Variants in FHIP1A observed in about 807,000 individuals in gnomAD.
The protein encoded by FHIP1A is FHF complex subunit HOOK-interacting protein 1A.
FHIP1A carries 61 observed loss-of-function variants against 88.6 expected under a neutral mutation model. That is an observed-to-expected ratio of 0.69 (90% CI 0.56 to 0.85). The LOEUF (loss-of-function observed/expected upper bound fraction) is 0.85, where lower values mean the gene tolerates loss of function less well. Among genes scored for constraint, FHIP1A ranks in the 40% least tolerant of loss-of-function variants. The probability of loss-of-function intolerance (pLI) is 0.00; values close to 1 mark genes in which losing one functional copy is unlikely to be tolerated. For synonymous variants in FHIP1A, 478 were observed against 496.0 expected (o/e 0.96, Z 0.48); for missense variants, 1,154 against 1,273.5 (o/e 0.91, Z 1.43).
At chr4:151,553,337 A>G (rs10033405) in intron 3 of FHIP1A, among the ~76,000 whole-genome samples, 49,313 of 152,094 alleles carry the variant, frequency 0.32, 8,029 homozygotes, top group Non-Finnish European at 0.34. Context: ...ATATACAACT[A>G]AATTTGTGGG....
intron 7 of FHIP1A, among the ~76,000 whole-genome samples, chr4:151,628,756 T>C (rs996627655): frequency 6.6e-6 from 1 of 152,092 alleles, no homozygotes; most frequent in Non-Finnish European, 1.5e-5. Flanking sequence ...TCTCTGGTGG[T>C]TTTCACGCAT....
intron 8 of FHIP1A, among the ~76,000 whole-genome samples, chr4:151,635,892 A>G (rs1380450813): frequency 6.6e-6 from 1 of 152,004 alleles, no homozygotes; most frequent in Non-Finnish European, 1.5e-5. Context: ...TTCTTTATCA[A>G]TTTAAAAAAT....
chr4:151,483,080 G>C (rs961156525), intron 3 of FHIP1A, among the ~76,000 whole-genome samples: 1 of 152,046 alleles, frequency 6.6e-6, no homozygotes, highest in Admixed American at 6.6e-5. Context: ...ATTCTACGAA[G>C]TGACTGAGTT....
Position 151,658,228 on chromosome 4 carries a change from G to C in FHIP1A, c.2869+1330G>C, listed in dbSNP as rs545003537. Reference sequence around the variant, plus strand: ...CGCATGCTGCTGCCACCCACCCTGTGAGAGAAGGTACACCAATTACCAGTA... The same window carrying C: ...CGCATGCTGCTGCCACCCACCCTGTCAGAGAAGGTACACCAATTACCAGTA... On this transcript the variant is annotated intron_variant, in intron 13 of 13. Coordinates refer to ENST00000435205, the MANE Select transcript of FHIP1A (RefSeq NM_001109977.3). 2.0e-5 allele frequency among the ~76,000 whole-genome samples: 3 copies of C among 152,352 alleles called. No individual in the cohort carries two copies. In the East Asian group the frequency reaches 5.8e-4, roughly 29 times the overall value.
intron 1 of FHIP1A, among the ~76,000 whole-genome samples, chr4:151,447,392 T>C (rs1000690726): frequency 6.6e-6 from 1 of 152,176 alleles, no homozygotes; most frequent in Non-Finnish European, 1.5e-5. Context: ...ACATTTGGAA[T>C]GTTTTTCAAG....
At position 151,586,804 on chromosome 4, in the gene FHIP1A, C is replaced by G; in HGVS notation, c.891+5C>G. On this transcript the variant is annotated splice_donor_5th_base_variant and intron_variant, in intron 6 of 13. Transcript: ENST00000435205. Reference sequence around the variant, plus strand: ...TTTTGCAATGCAGTCATACAGGTACCAGAGCACAATAAAGGATCCCTTTGC... The same window carrying G: ...TTTTGCAATGCAGTCATACAGGTACGAGAGCACAATAAAGGATCCCTTTGC... 2 of 1,539,454 alleles carry G rather than the reference C, an allele frequency of 1.3e-6. No individual in the cohort carries two copies. Among genetic ancestry groups the G allele is most frequent in the Non-Finnish European group, 1.8e-6 (2 of 1,137,324 alleles).
chr4:151,414,089 C>G (rs1015969483), intron 1 of FHIP1A, among the ~76,000 whole-genome samples: 1 of 150,300 alleles, frequency 6.7e-6, no homozygotes, highest in African/African-American at 2.5e-5. Context: ...CTCACTCTGT[C>G]GCCCAGGCTG....
At chr4:151,547,684 C>T (rs368935096) in intron 3 of FHIP1A, among the ~76,000 whole-genome samples, 6 of 152,066 alleles carry the variant, frequency 3.9e-5, no homozygotes, top group Non-Finnish European at 7.4e-5. Context: ...GAGGCCAAGG[C>T]GGGCGGATCA....
At chr4:151,417,183 A>G (rs1169288772) in intron 1 of FHIP1A, among the ~76,000 whole-genome samples, 1 of 152,210 alleles carries the variant, frequency 6.6e-6, no homozygotes, top group African/African-American at 2.4e-5. Context: ...CACACTTCAC[A>G]GGGTGGGAGC....
intron 7 of FHIP1A, among the ~76,000 whole-genome samples, chr4:151,594,646 G>T (rs561337737): frequency 2.7e-5 from 4 of 150,930 alleles, no homozygotes; most frequent in Admixed American, 2.6e-4. Context: ...GTGCGATCTC[G>T]GCTCACTGCA....
At chr4:151,659,450 C>T (rs1737371452) in intron 13 of FHIP1A, among the ~76,000 whole-genome samples, 1 of 152,116 alleles carries the variant, frequency 6.6e-6, no homozygotes, top group Non-Finnish European at 1.5e-5. Flanking sequence ...TGGTAATGGG[C>T]CAAATATTTG....
intron 3 of FHIP1A, among the ~76,000 whole-genome samples, chr4:151,489,919 A>T (rs1213737596): frequency 1.3e-5 from 2 of 152,094 alleles, no homozygotes; most frequent in Non-Finnish European, 2.9e-5. Flanking sequence ...CTTGGTTGGA[A>T]GTTCTATGGC....
chr4:151,559,280 A>G (rs1225586086), intron 3 of FHIP1A, among the ~76,000 whole-genome samples: 1 of 152,012 alleles, frequency 6.6e-6, no homozygotes, highest in African/African-American at 2.4e-5. Flanking sequence ...TTTTCCTTTT[A>G]TTTAAGTTGT....
intron 1 of FHIP1A, among the ~76,000 whole-genome samples, chr4:151,449,989 G>C (rs1580579408): frequency 6.6e-6 from 1 of 151,944 alleles, no homozygotes; most frequent in South Asian, 2.1e-4. Context: ...TAAATATTGA[G>C]TACCTTGACA....
chr4:151,520,274 A>G (rs576267852), intron 3 of FHIP1A, among the ~76,000 whole-genome samples: 1 of 152,232 alleles, frequency 6.6e-6, no homozygotes, highest in East Asian at 1.9e-4. Context: ...ATCACTCCAT[A>G]TGGATATCTA....
chr4:151,646,451 G>A (rs890574079), intron 9 of FHIP1A, 107 bp from the exon 10 acceptor site: 24 of 682,704 alleles, frequency 3.5e-5, no homozygotes, highest in Non-Finnish European at 5.8e-5. Context: ...GCTGAGAGAG[G>A]ATGAGTCTGC....
At position 151,512,677 on chromosome 4, in the gene FHIP1A, C is replaced by T. The variant is rs1209933964; in HGVS notation, c.-123+30029C>T. On this transcript the variant is annotated intron_variant, in intron 3 of 13. Coordinates refer to ENST00000435205, the MANE Select transcript of FHIP1A (RefSeq NM_001109977.3). ...AATGCAGAAGCCTCAGGAGCCGATG[C>T]GATCAACTGGAAGAAAGGGTATCAG... Among the ~76,000 whole-genome samples, 3 of 151,820 alleles carry T rather than the reference C, an allele frequency of 2.0e-5. No individual in the cohort carries two copies. The South Asian group carries it at 6.2e-4, about 31-fold the overall frequency.
chr4:151,559,262 G>A (rs185358528), intron 3 of FHIP1A, among the ~76,000 whole-genome samples: 2 of 152,248 alleles, frequency 1.3e-5, no homozygotes, highest in African/African-American at 4.8e-5. Flanking sequence ...GGTAGACATA[G>A]CAAGTCCTTT....
In FHIP1A at chr4:151,656,924, C is replaced by A; in HGVS notation, c.2869+26C>A. On this transcript the variant is annotated intron_variant, in intron 13 of 13. Transcript: ENST00000435205. The surrounding 1 kb of genome is among the most constrained non-coding windows in gnomAD (Gnocchi z 4.2). ...GTAAGCCAGGTTTCTCCACAGCGCC[C>A]CTCCTTAAATTCCTCCTCCACGTCC... The A allele has an allele frequency of 6.5e-7, 1 of 1,537,316 alleles. No homozygotes were observed.
Sources: gnomAD v4.1 joint callset for allele counts (sites outside exome capture counted in the v4.1 genomes callset) on GRCh38, gnomAD v4.1.1 for gene constraint, Gnocchi (gnomAD v3.1) non-coding constraint, MANE v1.5 for transcripts, NCBI Gene and HGNC (gene_info 2026-07-23, HGNC 2026-07-21) for gene names.